The following PRCD variants were observed in gnomAD, a reference collection of about 807,000 sequenced individuals.
PRCD encodes the protein photoreceptor disk component PRCD.
In PRCD, 12 loss-of-function variants were observed where a neutral mutation model predicts 10.1. The observed-to-expected ratio is 1.18, with a 90% CI of 0.76 to 1.92. The LOEUF is 1.92. PRCD is among the 40% of genes most tolerant of loss of function. The probability of loss-of-function intolerance (pLI) is 0.00; values close to 1 mark genes in which losing one functional copy is unlikely to be tolerated. For missense variants in PRCD, 61 were observed against 72.2 expected, an observed-to-expected ratio of 0.84 and a Z score of 0.56; for synonymous variants, 31 against 26.2, an observed-to-expected ratio of 1.18 and a Z score of -0.56.
chr17:76,546,102 T>C (rs2075050291), downstream of PRCD: 1 of 152,434 alleles, frequency 6.6e-6, no homozygotes, highest in Non-Finnish European at 1.5e-5. This position sits in a 1 kb window ranked among gnomAD's most constrained non-coding sequence, Gnocchi z 4.5. Context: ...CTCAGCTCCT[T>C]GACAAGACGG....
chr17:76,547,630 AACAC>A (rs1202657652), downstream of PRCD, among the ~76,000 whole-genome samples: 1 of 106,842 alleles, frequency 9.4e-6, no homozygotes, highest in African/African-American at 3.8e-5. Flanking sequence ...TCCCTATGTG[AACAC>A]ACACACATTC....
In PRCD at chr17:76,540,254, G is replaced by T. The variant is rs4648338; in HGVS notation, c.74+39G>T. On this transcript the variant is annotated intron_variant, in intron 1 of 4. Transcript: ENST00000592014. The surrounding 1 kb of genome is among the most constrained non-coding windows in gnomAD (Gnocchi z 5.0). Reference sequence around the variant, plus strand: ...CGGGCTATGGCTGGCGGTTGGTCGGGGGGGGGGGGCATGGGGCTGGGCTGC... The same window carrying T: ...CGGGCTATGGCTGGCGGTTGGTCGGTGGGGGGGGGCATGGGGCTGGGCTGC... 17,235 of 882,642 alleles carry T rather than the reference G, an allele frequency of 0.02. 1,498 individuals carry two copies. Among genetic ancestry groups the T allele is most frequent in the African/African-American group, 0.088 (4,232 of 47,968 alleles). 54.7% of individuals were successfully genotyped at this position (882,642 alleles called of 1,614,324 possible).
At position 76,533,903 on chromosome 17, in the gene PRCD, C is replaced by A. The variant is rs1017156258; in HGVS notation, n.45+6070C>A. On this transcript the variant is annotated intron_variant and non_coding_transcript_variant, in intron 1 of 4. Transcript: ENST00000397633. The surrounding 1 kb of genome is among the most constrained non-coding windows in gnomAD (Gnocchi z 4.5). ...AAAATTGGCTGGGTGTGGTGGTGCC[C>A]GTCTGTAGTCCTAGCTACTTGGGAG... 1.3e-5 allele frequency among the ~76,000 whole-genome samples: 2 copies of A among 151,912 alleles called. No homozygotes were observed. The highest frequency in any genetic ancestry group is 2.9e-5 in the Non-Finnish European group (2 of 67,994).
chr17:76,542,359 G>A (rs757824857), intron 2 of PRCD, among the ~76,000 whole-genome samples, 194 bp from the exon 3 acceptor site: 4 of 152,204 alleles, frequency 2.6e-5, no homozygotes, highest in Non-Finnish European at 5.9e-5. Flanking sequence ...GGTGGCTGCC[G>A]TGGAAGGCTG....
Position 76,533,630 on chromosome 17 carries a change from G to A in PRCD, n.45+5797G>A, listed in dbSNP as rs1161085115. 6.6e-6 allele frequency among the ~76,000 whole-genome samples: 1 copy of A among 152,098 alleles called. No homozygotes were observed. Among genetic ancestry groups the A allele is most frequent in the African/African-American group, 2.4e-5 (1 of 41,398 alleles). On this transcript the variant is annotated intron_variant and non_coding_transcript_variant, in intron 1 of 4. Coordinates refer to the PRCD transcript ENST00000397633. The surrounding 1 kb of genome is among the most constrained non-coding windows in gnomAD (Gnocchi z 4.5). Reference sequence around the variant, plus strand: ...TCCAGCTACTCAGGGGCCTAAAGTGGGAGGATCACTTGAACCCGGGAGGCC... The same window carrying A: ...TCCAGCTACTCAGGGGCCTAAAGTGAGAGGATCACTTGAACCCGGGAGGCC...
At chr17:76,534,511 G>A (rs562806557) in intron 1 of PRCD, among the ~76,000 whole-genome samples, 1 of 152,318 alleles carries the variant, frequency 6.6e-6, no homozygotes, top group African/African-American at 2.4e-5. Flanking sequence ...AGCTAAGCGG[G>A]TATTACCTCT....
chr17:76,527,637 C>T (rs1056606493), upstream of PRCD: 10 of 453,678 alleles, frequency 2.2e-5, no homozygotes, highest in African/African-American at 1.4e-4. Context: ...GGAAAGCCCT[C>T]GGCCCTCGGA....
At chr17:76,545,707 C>G (rs1283997399), downstream of PRCD, 2 of 274,910 alleles carry the variant, frequency 7.3e-6, no homozygotes, top group Non-Finnish European at 1.4e-5. Context: ...GTATCTGTCT[C>G]TTAGAGTTGT....
rs1200461861 is a variant in PRCD, at chr17:76,545,006, G to A, written c.*1356G>A. On this transcript the variant is annotated 3_prime_UTR_variant, in exon 5 of 5. Coordinates refer to ENST00000592014, the MANE Select transcript of PRCD (RefSeq NM_001077620.3). ...GGCTGCTGGCGGCCAGCGGGGCTGTGGCTGCCTGGGCTTGGAGGTTGCCTG... is the reference window on the plus strand; with the variant it reads ...GGCTGCTGGCGGCCAGCGGGGCTGTAGCTGCCTGGGCTTGGAGGTTGCCTG... The A allele has an allele frequency of 4.4e-6, 2 of 455,822 alleles. No homozygotes were observed. The highest frequency in any genetic ancestry group is 7.0e-5 in the East Asian group (1 of 14,388). The allele number at this position is 455,822 out of a possible 1,614,324, so 28.2% of individuals were successfully genotyped here.
At chr17:76,546,253 C>T (rs4238996), downstream of PRCD, 95,864 of 151,978 alleles carry the variant, frequency 0.63, 33,750 homozygotes, top group East Asian at 0.87. The surrounding 1 kb of genome is among the most constrained non-coding windows in gnomAD (Gnocchi z 4.5). Context: ...GCTGCTCCTG[C>T]AACTGAGGCT....
Position 76,543,136 on chromosome 17 carries a change from C to G in PRCD, c.*152+15C>G, listed in dbSNP as rs781451473. ...CACTAGAGAAGGTAGACGCCTCCCT[C>G]TCAGCCCGGGACCTGCCAGTCTCCC... On this transcript the variant is annotated intron_variant, in intron 4 of 4. Transcript: ENST00000592014. 1.7e-5 allele frequency: 8 copies of G among 470,016 alleles called. 1 individual carries two copies. The highest frequency in any genetic ancestry group is 6.6e-4 in the Middle Eastern group (2 of 3,042). The allele number at this position is 470,016 out of a possible 1,614,324, so 29.1% of individuals were successfully genotyped here.
chr17:76,552,033 C>T (rs12949102), intron 1 of PRCD: 33,544 of 151,926 alleles, frequency 0.22, 3,859 homozygotes, highest in South Asian at 0.38. Context: ...TTATGATTTC[C>T]GGAAGGAGGC....
Position 76,545,187 on chromosome 17 carries a change from C to T in PRCD, c.*1537C>T, listed in dbSNP as rs1297966213. The T allele has an allele frequency of 2.6e-5, 12 of 456,660 alleles. No homozygotes were observed. Among genetic ancestry groups the T allele is most frequent in the South Asian group, 4.6e-5 (3 of 64,576 alleles). 28.3% of individuals were successfully genotyped at this position (456,660 alleles called of 1,614,324 possible). A position where few individuals can be genotyped will look rare whatever the true frequency, so the allele number is the denominator to read the frequency against. On this transcript the variant is annotated 3_prime_UTR_variant, in exon 5 of 5. Coordinates refer to ENST00000592014, the MANE Select transcript of PRCD (RefSeq NM_001077620.3). ...GCCTCTCCCACCCCTGGGCTCTCTGCGCAGTCTGCACATTTGCAGCTCCTG... is the reference window on the plus strand; with the variant it reads ...GCCTCTCCCACCCCTGGGCTCTCTGTGCAGTCTGCACATTTGCAGCTCCTG...
At chr17:76,548,456 A>G (rs1200435580), downstream of PRCD, among the ~76,000 whole-genome samples, 1 of 152,220 alleles carries the variant, frequency 6.6e-6, no homozygotes, top group Non-Finnish European at 1.5e-5. Context: ...GTGACACTCG[A>G]GGAGAGACAG....
chr17:76,539,348 A>ACC (rs2074959912), upstream of PRCD, among the ~76,000 whole-genome samples: 2 of 152,222 alleles, frequency 1.3e-5, no homozygotes, highest in Non-Finnish European at 2.9e-5. Context: ...ATATAGTCGT[A>ACC]TGGTGTAGGA....
At position 76,529,519 on chromosome 17, in the gene PRCD, C is replaced by A. The variant is rs567168522; in HGVS notation, n.45+1686C>A. On this transcript the variant is annotated intron_variant and non_coding_transcript_variant, in intron 1 of 4. Coordinates refer to the PRCD transcript ENST00000397633. ...TGTTTCTGATTCACTGGGGCTCGCG[C>A]CCAGCCAGCTCTCTTTCCAGTCTCT... The A allele has an allele frequency of 2.1e-4, 207 of 985,448 alleles. 3 individuals carry two copies. In the South Asian group the frequency reaches 8.6e-3, roughly 41 times the overall value. The allele number at this position is 985,448 out of a possible 1,614,324, so 61.0% of individuals were successfully genotyped here.
At chr17:76,541,202 C>T (rs955548656) in intron 2 of PRCD, among the ~76,000 whole-genome samples, 4 of 152,160 alleles carry the variant, frequency 2.6e-5, no homozygotes, top group Admixed American at 1.3e-4. Context: ...ATGATAGGGG[C>T]GCCTATCCCA....
At position 76,528,987 on chromosome 17, in the gene PRCD, G is replaced by A. The variant is rs2074799208; in HGVS notation, n.45+1154G>A. ...TCCGGCCTGTCTCGTCCCTCCTCGGGCCACCCATCTGTATTCTCGTATTCT... is the reference window on the plus strand; with the variant it reads ...TCCGGCCTGTCTCGTCCCTCCTCGGACCACCCATCTGTATTCTCGTATTCT... On this transcript the variant is annotated intron_variant and non_coding_transcript_variant, in intron 1 of 4. Transcript: ENST00000397633. This position sits in a 1 kb window ranked among gnomAD's most constrained non-coding sequence, Gnocchi z 5.8. The A allele has an allele frequency of 9.9e-7, 1 of 1,014,838 alleles. No homozygotes were observed. The highest frequency in any genetic ancestry group is 1.2e-6 in the Non-Finnish European group (1 of 849,808). 62.9% of individuals were successfully genotyped at this position (1,014,838 alleles called of 1,614,324 possible).
upstream of PRCD, chr17:76,540,018 T>C (rs1428760815): frequency 2.0e-6 from 2 of 1,025,502 alleles, no homozygotes; most frequent in Non-Finnish European, 1.5e-6. This position sits in a 1 kb window ranked among gnomAD's most constrained non-coding sequence, Gnocchi z 5.0. Flanking sequence ...AGCCTCCTAA[T>C]CCATCCCCAG....
Sources: allele counts gnomAD v4.1 joint callset (sites outside exome capture counted in the v4.1 genomes callset), GRCh38; gene constraint gnomAD v4.1.1; non-coding constraint Gnocchi (gnomAD v3.1); transcripts MANE v1.5; gene names NCBI Gene and HGNC (gene_info 2026-07-23, HGNC 2026-07-21).